Variants in PITPNM2 observed in about 807,000 individuals in gnomAD.
PITPNM2 encodes membrane-associated phosphatidylinositol transfer protein 2.
PITPNM2 carries 35 observed loss-of-function variants against 132.2 expected under a neutral mutation model. That is an observed-to-expected ratio of 0.26 (90% CI 0.20 to 0.35). PITPNM2 has a LOEUF of 0.35. Ranked by LOEUF, PITPNM2 falls within the 10% of genes least tolerant of loss-of-function variation. The probability of loss-of-function intolerance (pLI) is 1.00; values close to 1 mark genes in which losing one functional copy is unlikely to be tolerated. For missense variants in PITPNM2, 1,332 were observed against 1,912.0 expected, an observed-to-expected ratio of 0.70 and a Z score of 5.66; for synonymous variants, 738 against 799.2, an observed-to-expected ratio of 0.92 and a Z score of 1.29.
Position 122,996,820 on chromosome 12 carries a change from G to T in PITPNM2, c.1563C>A (p.Ser521=). Residue 521 remains serine, a synonymous_variant, in exon 12 of 26, where the codon TCC becomes TCA. Coordinates refer to ENST00000320201, the MANE Select transcript of PITPNM2 (RefSeq NM_020845.3). ...LAALPLLATS[S]PQYQEAVATV... ...TGGCAACTGCCTCCTGGTACTGGGG[G>T]GAGGAGGTGGCCAGCAGGGGGAGGG... 1.4e-5 allele frequency: 23 copies of T among 1,602,172 alleles called. No individual in the cohort carries two copies. The highest frequency in any genetic ancestry group is 1.9e-5 in the Non-Finnish European group (22 of 1,177,008).
Position 123,003,977 on chromosome 12 carries a change from C to A in PITPNM2, c.1048+417G>T, listed in dbSNP as rs1217089263. Among the ~76,000 whole-genome samples the A allele has an allele frequency of 2.0e-5, 3 of 152,314 alleles. No individual in the cohort carries two copies. In the East Asian group the frequency reaches 5.8e-4, roughly 29 times the overall value. On this transcript the variant is annotated intron_variant, in intron 8 of 25. Transcript: ENST00000320201. The stretch of plus-strand genomic sequence containing the variant: ...CTTATTGCATTTTCTAAAGTGCCTG[C>A]ATTAGATGTGGTATTAATTTAATCA...
intron 20 of PITPNM2, 148 bp from the exon 21 acceptor site, chr12:122,988,049 G>T (rs1223628917): frequency 3.2e-6 from 3 of 931,626 alleles, no homozygotes; most frequent in Non-Finnish European, 5.0e-6. Flanking sequence ...CGATGACGTG[G>T]CTTTGGAGAA....
At chr12:123,060,577 G>T (rs2041200983) in intron 2 of PITPNM2, among the ~76,000 whole-genome samples, 1 of 152,202 alleles carries the variant, frequency 6.6e-6, no homozygotes, top group Non-Finnish European at 1.5e-5. Flanking sequence ...AGGATATACA[G>T]ACTCTCCCAC....
chr12:122,987,233 G>T, intron 23 of PITPNM2, 48 bp downstream of exon 23: 1 of 1,600,620 alleles, frequency 6.2e-7, no homozygotes. Context: ...GAGCCCCTGA[G>T]CCCACCCACC....
chr12:123,010,183 C>A (rs994395878), intron 5 of PITPNM2, 106 bp from the exon 6 acceptor site: 31 of 966,774 alleles, frequency 3.2e-5, no homozygotes, highest in Non-Finnish European at 1.2e-5. Flanking sequence ...CTGGGCCTTG[C>A]CCTGCCAGAG....
chr12:123,079,238 G>C (rs755275868), intron 2 of PITPNM2, among the ~76,000 whole-genome samples: 1 of 151,942 alleles, frequency 6.6e-6, no homozygotes, highest in Non-Finnish European at 1.5e-5. Context: ...TCCGGCACCA[G>C]AGCCTACCAG....
Position 123,012,739 on chromosome 12 carries a change from G to A in PITPNM2, c.294-5C>T. ...TCCACGAAAGGACAGGTGAACCTGT[G>A]CGGAAAGGAAAGCACTCATCAGGAC... On this transcript the variant is annotated splice_region_variant and splice_polypyrimidine_tract_variant and intron_variant, in intron 4 of 25. Coordinates refer to ENST00000320201, the MANE Select transcript of PITPNM2 (RefSeq NM_020845.3). 1.2e-6 allele frequency: 2 copies of A among 1,613,942 alleles called. No individual in the cohort carries two copies. The highest frequency in any genetic ancestry group is 1.1e-5 in the South Asian group (1 of 91,064).
intron 10 of PITPNM2, 65 bp from the exon 11 acceptor site, chr12:122,997,637 T>A (rs548225414): frequency 6.4e-7 from 1 of 1,567,656 alleles, no homozygotes; most frequent in Admixed American, 1.7e-5. Flanking sequence ...GGCCCCTCTG[T>A]CACCCTTGTT....
At chr12:123,093,468 A>G (rs1247406157) in intron 2 of PITPNM2, among the ~76,000 whole-genome samples, 1 of 150,172 alleles carries the variant, frequency 6.7e-6, no homozygotes. Context: ...AAATACACAC[A>G]CGCACACACA....
At chr12:123,119,425 T>C (rs1318988467) in intron 1 of PITPNM2, among the ~76,000 whole-genome samples, 1 of 150,780 alleles carries the variant, frequency 6.6e-6, no homozygotes, top group Admixed American at 6.6e-5. Flanking sequence ...TGGAACCATC[T>C]TGGCTCACTG....
In PITPNM2 at chr12:123,001,041, C is replaced by T; in HGVS notation, c.1153+13G>A. The T allele has an allele frequency of 1.2e-6, 2 of 1,611,866 alleles. No homozygotes were observed. Among genetic ancestry groups the T allele is most frequent in the Non-Finnish European group, 1.7e-6 (2 of 1,177,908 alleles). On this transcript the variant is annotated intron_variant, in intron 9 of 25. Transcript: ENST00000320201. The stretch of plus-strand genomic sequence containing the variant: ...CCCTCCCCAGGCTCTGCAGCACCCC[C>T]AGACCTGCTGACCTTGTGTGTCTTC...
intron 1 of PITPNM2, among the ~76,000 whole-genome samples, chr12:123,139,386 A>G (rs1040899107): frequency 3.3e-5 from 5 of 151,994 alleles, no homozygotes; most frequent in Non-Finnish European, 7.4e-5. Flanking sequence ...CTGTAGTCCC[A>G]GCTACTCAGG....
intron 3 of PITPNM2, among the ~76,000 whole-genome samples, chr12:123,019,803 C>G (rs1018059857): frequency 2.0e-5 from 3 of 152,122 alleles, no homozygotes; most frequent in African/African-American, 7.2e-5. Context: ...GAAGACCTAC[C>G]CCAAAGAGAA....
chr12:123,071,659 G>A (rs564617355), intron 2 of PITPNM2, among the ~76,000 whole-genome samples: 6 of 152,264 alleles, frequency 3.9e-5, no homozygotes, highest in Non-Finnish European at 7.3e-5. Context: ...TCTGACACTG[G>A]AGGAGAGCCC....
chr12:123,136,185 C>T (rs2043377879), intron 1 of PITPNM2, among the ~76,000 whole-genome samples: 1 of 151,670 alleles, frequency 6.6e-6, no homozygotes, highest in Non-Finnish European at 1.5e-5. Context: ...ACCTGTAGTC[C>T]CAGCTACTTG....
intron 2 of PITPNM2, among the ~76,000 whole-genome samples, chr12:123,071,329 A>G (rs2041615445): frequency 6.6e-6 from 1 of 152,236 alleles, no homozygotes; most frequent in Non-Finnish European, 1.5e-5. Flanking sequence ...GCCATGAAAT[A>G]TGGAGCTGCT....
chr12:123,080,716 C>T (rs1323159326), intron 2 of PITPNM2, among the ~76,000 whole-genome samples: 1 of 152,204 alleles, frequency 6.6e-6, no homozygotes, highest in African/African-American at 2.4e-5. Flanking sequence ...TCAAATGAAA[C>T]CCGGTGCCAG....
Position 123,077,012 on chromosome 12 carries a change from T to A in PITPNM2, c.-96+33373A>T, listed in dbSNP as rs558039759. 1.3e-5 allele frequency among the ~76,000 whole-genome samples: 2 copies of A among 152,272 alleles called. No individual in the cohort carries two copies. The highest frequency in any genetic ancestry group is 4.8e-5 in the African/African-American group (2 of 41,552). On this transcript the variant is annotated intron_variant, in intron 2 of 25. Coordinates refer to ENST00000320201, the MANE Select transcript of PITPNM2 (RefSeq NM_020845.3). The surrounding 1 kb of genome is among the most constrained non-coding windows in gnomAD (Gnocchi z 4.8). ...TCCCCGGGCTGCGCTGCTGAGGGGT[T>A]AGCCTCACAGATTCCCTCTGGGAAA...
chr12:122,991,086 C>T (rs989587792), intron 16 of PITPNM2, among the ~76,000 whole-genome samples: 14 of 152,236 alleles, frequency 9.2e-5, no homozygotes, highest in Admixed American at 6.5e-5. Flanking sequence ...GCAGCGGCTC[C>T]ACCCAGGTTT....
Sources: allele counts gnomAD v4.1 joint callset (sites outside exome capture counted in the v4.1 genomes callset), GRCh38; gene constraint gnomAD v4.1.1; non-coding constraint Gnocchi (gnomAD v3.1); transcripts MANE v1.5; gene names NCBI Gene and HGNC (gene_info 2026-07-23, HGNC 2026-07-21).